VEPH1: variants seen among roughly 807,000 people sequenced by gnomAD.
The protein encoded by VEPH1 is ventricular zone-expressed PH domain-containing protein homolog 1.
A neutral mutation model predicts 85.2 loss-of-function variants in VEPH1; 80 were observed. That is an observed-to-expected ratio of 0.94 (90% CI 0.78 to 1.13). The LOEUF (loss-of-function observed/expected upper bound fraction) is 1.13. Among genes scored for constraint, VEPH1 ranks in the 50% most tolerant of loss-of-function variants. The pLI is 0.00. For synonymous variants in VEPH1, 297 were observed against 348.0 expected (o/e 0.85, Z 1.63); for missense variants, 955 against 980.5 (o/e 0.97, Z 0.35).
At chr3:157,293,435 C>G (rs1473009986) in intron 11 of VEPH1, among the ~76,000 whole-genome samples, 18 of 152,088 alleles carry the variant, frequency 1.2e-4, no homozygotes, top group African/African-American at 3.9e-4. Context: ...CCTTTGAGTC[C>G]CTATGTGTTG....
intron 2 of VEPH1, among the ~76,000 whole-genome samples, chr3:157,484,326 A>T (rs903901687): frequency 2.0e-5 from 3 of 151,900 alleles, no homozygotes; most frequent in Non-Finnish European, 4.4e-5. Context: ...GGGTCTTGCT[A>T]TGTTGCCCAG....
At chr3:157,380,496 C>G (rs1206993558) in intron 7 of VEPH1, among the ~76,000 whole-genome samples, 2 of 152,214 alleles carry the variant, frequency 1.3e-5, no homozygotes, top group Non-Finnish European at 2.9e-5. Flanking sequence ...TACAAAATGA[C>G]TTCTGTTTCC....
At chr3:157,362,093 C>T (rs1006017390) in intron 9 of VEPH1, among the ~76,000 whole-genome samples, 11 of 151,798 alleles carry the variant, frequency 7.2e-5, no homozygotes, top group South Asian at 2.1e-4. Flanking sequence ...TGCAGTGGTG[C>T]GATATCGGCT....
intron 9 of VEPH1, among the ~76,000 whole-genome samples, chr3:157,325,492 A>G (rs1721801364): frequency 6.6e-6 from 1 of 152,094 alleles, no homozygotes; most frequent in Admixed American, 6.5e-5. Flanking sequence ...TTAAGTCTTT[A>G]ATCCATCTTG....
chr3:157,305,101 C>CTT (rs139799192), intron 11 of VEPH1, among the ~76,000 whole-genome samples: 26 of 77,820 alleles, frequency 3.3e-4, no homozygotes, highest in East Asian at 4.9e-4. Flanking sequence ...ATCTATCTGT[C>CTT]TTTTTTTTTT....
chr3:157,346,315 T>C (rs1559978770), intron 9 of VEPH1, among the ~76,000 whole-genome samples: 1 of 152,316 alleles, frequency 6.6e-6, no homozygotes, highest in African/African-American at 2.4e-5. Flanking sequence ...TATACCCTGG[T>C]AGATAAAGCA....
At chr3:157,321,581 C>G (rs1404599944) in intron 9 of VEPH1, among the ~76,000 whole-genome samples, 1 of 152,178 alleles carries the variant, frequency 6.6e-6, no homozygotes, top group Non-Finnish European at 1.5e-5. Context: ...AGAGCCTATT[C>G]TCTTTCTAGT....
chr3:157,301,116 G>A lies in VEPH1; in HGVS notation c.2010+12505C>T, dbSNP rs147033312. On this transcript the variant is annotated intron_variant, in intron 11 of 13. Coordinates refer to ENST00000362010, the MANE Select transcript of VEPH1 (RefSeq NM_001167912.2). ...TTTTGCTTAAGCTGAAAATTCTCCC[G>A]GTGTTATCTAGCATTGCAAGCCTTA... 6.1e-3 allele frequency among the ~76,000 whole-genome samples: 930 copies of A among 152,236 alleles called. 5 individuals carry two copies. The highest frequency in any genetic ancestry group is 0.01 in the Non-Finnish European group (713 of 68,010).
intron 9 of VEPH1, among the ~76,000 whole-genome samples, chr3:157,351,994 C>T (rs1724916771): frequency 6.6e-6 from 1 of 152,120 alleles, no homozygotes; most frequent in Admixed American, 6.5e-5. Context: ...AGAATAATTG[C>T]TCTATTGTTA....
intron 5 of VEPH1, among the ~76,000 whole-genome samples, chr3:157,416,295 T>G (rs1731905428): frequency 6.6e-6 from 1 of 152,150 alleles, no homozygotes; most frequent in Admixed American, 6.5e-5. Flanking sequence ...AAGAAGAAAG[T>G]TTCTAGATAA....
chr3:157,363,636 C>A lies in VEPH1; in HGVS notation c.1463G>T (p.Gly488Val). 1.2e-6 allele frequency: 2 copies of A among 1,614,104 alleles called. No homozygotes were observed. Among genetic ancestry groups the A allele is most frequent in the Non-Finnish European group, 1.7e-6 (2 of 1,180,004 alleles). ...SLSEIDPLGQ[G>V]NDKLPFKTDT... ...TGTCTTAAACGGCAGCTTGTCATTT[C>A]CTTGGCCAAGTGGGTCTATTTCTGA... The change falls in exon 9 of 14, where the codon GGA (glycine) becomes GTA (valine). Residue 488 changes from glycine (G) to valine (V), a missense_variant. Transcript: ENST00000362010.
intron 12 of VEPH1, among the ~76,000 whole-genome samples, chr3:157,282,792 T>C (rs368845599): frequency 1.3e-5 from 2 of 152,324 alleles, no homozygotes; most frequent in East Asian, 3.9e-4. Context: ...TAAAGAAGAT[T>C]AGCTTGGTTT....
intron 12 of VEPH1, among the ~76,000 whole-genome samples, chr3:157,284,126 A>C (rs753365401): frequency 3.3e-5 from 5 of 152,250 alleles, no homozygotes; most frequent in Admixed American, 6.5e-5. Context: ...GATGAATTTG[A>C]TATCGTTACC....
At chr3:157,330,807 G>C (rs887252029) in intron 9 of VEPH1, among the ~76,000 whole-genome samples, 1 of 152,204 alleles carries the variant, frequency 6.6e-6, no homozygotes, top group Non-Finnish European at 1.5e-5. Context: ...AGGGAGGCAG[G>C]CCTGGTGGTT....
chr3:157,286,579 G>A lies in VEPH1; in HGVS notation c.2106C>T (p.Cys702=). Reference sequence around the variant, plus strand: ...CACCAGTTGCTTTCTCAGGATTGTTGCACATGAAGCATTGCCATGCTCCTG... The same window carrying A: ...CACCAGTTGCTTTCTCAGGATTGTTACACATGAAGCATTGCCATGCTCCTG... ...ETAGAWQCFM[C]NNPEKATVVN... is the part of the protein sequence containing the mutation. Residue 702 remains cysteine, a synonymous_variant, in exon 12 of 14, where the codon TGC becomes TGT. Transcript: ENST00000362010. The A allele has an allele frequency of 6.2e-7, 1 of 1,613,970 alleles. No homozygotes were observed. Among genetic ancestry groups the A allele is most frequent in the Admixed American group, 1.7e-5 (1 of 60,012 alleles).
intron 4 of VEPH1, among the ~76,000 whole-genome samples, chr3:157,445,529 G>A (rs1270508445): frequency 6.6e-6 from 1 of 152,186 alleles, no homozygotes; most frequent in Non-Finnish European, 1.5e-5. Flanking sequence ...GCTGAGGCAG[G>A]AGAATCTCTC....
At chr3:157,497,265 C>T (rs903709518) in intron 1 of VEPH1, among the ~76,000 whole-genome samples, 2 of 152,160 alleles carry the variant, frequency 1.3e-5, no homozygotes, top group Non-Finnish European at 2.9e-5. Flanking sequence ...TTCTACACTG[C>T]TCCTGGATCC....
intron 7 of VEPH1, among the ~76,000 whole-genome samples, chr3:157,377,107 C>T (rs1013541891): frequency 5.3e-5 from 8 of 152,004 alleles, no homozygotes; most frequent in African/African-American, 1.5e-4. Context: ...GCTGTCCACA[C>T]GAGGGTTTAG....
intron 6 of VEPH1, among the ~76,000 whole-genome samples, chr3:157,397,544 A>C (rs1227786173): frequency 6.6e-6 from 1 of 152,174 alleles, no homozygotes; most frequent in African/African-American, 2.4e-5. Flanking sequence ...GATTCTTCCT[A>C]TCAATGAGTA....
Sources: allele counts gnomAD v4.1 joint callset (sites outside exome capture counted in the v4.1 genomes callset), GRCh38; gene constraint gnomAD v4.1.1; transcripts MANE v1.5; gene names NCBI Gene and HGNC (gene_info 2026-07-23, HGNC 2026-07-21).